The following ST6GALNAC3 variants were observed in gnomAD, a reference collection of about 807,000 sequenced individuals.
The protein encoded by ST6GALNAC3 is ST6 N-acetylgalactosaminide alpha-2,6-sialyltransferase 3.
In ST6GALNAC3, 25 loss-of-function variants were observed where a neutral mutation model predicts 32.7. The observed-to-expected ratio is 0.76, with a 90% CI of 0.56 to 1.07. The LOEUF (loss-of-function observed/expected upper bound fraction) is 1.07. Ranked by LOEUF, ST6GALNAC3 falls within the 50% of genes least tolerant of loss-of-function variation. The pLI is 0.00. For synonymous variants in ST6GALNAC3, 129 were observed against 133.1 expected (o/e 0.97, Z 0.21); for missense variants, 355 against 382.4 (o/e 0.93, Z 0.60).
chr1:76,398,965 T>C (rs1329084115), intron 2 of ST6GALNAC3, among the ~76,000 whole-genome samples: 6 of 152,172 alleles, frequency 3.9e-5, no homozygotes, highest in Non-Finnish European at 8.8e-5. Flanking sequence ...AATTGGCATT[T>C]TCTGGATTAT....
At chr1:76,227,308 T>C (rs1656131155) in intron 1 of ST6GALNAC3, among the ~76,000 whole-genome samples, 1 of 152,192 alleles carries the variant, frequency 6.6e-6, no homozygotes, top group Admixed American at 6.5e-5. Flanking sequence ...TCTGGTCCTT[T>C]GAGCAAGAAT....
intron 1 of ST6GALNAC3, among the ~76,000 whole-genome samples, chr1:76,274,473 C>T (rs1041077697): frequency 1.3e-5 from 2 of 152,110 alleles, no homozygotes; most frequent in African/African-American, 4.8e-5. Flanking sequence ...TCAACCTTAT[C>T]TCTGATCAGC....
At chr1:76,390,359 C>T (rs1019319141) in intron 2 of ST6GALNAC3, among the ~76,000 whole-genome samples, 15 of 152,118 alleles carry the variant, frequency 9.9e-5, no homozygotes, top group South Asian at 8.3e-4. Context: ...GCCAGTAAGA[C>T]GGGCTTTGAT....
chr1:76,356,279 T>C (rs1445525919), intron 2 of ST6GALNAC3, among the ~76,000 whole-genome samples: 1 of 152,180 alleles, frequency 6.6e-6, no homozygotes, highest in African/African-American at 2.4e-5. Context: ...TTGCCTGTTG[T>C]CTTCAAAGAA....
intron 2 of ST6GALNAC3, among the ~76,000 whole-genome samples, chr1:76,318,314 T>C (rs1259622885): frequency 7.2e-5 from 11 of 152,144 alleles, no homozygotes; most frequent in Non-Finnish European, 2.9e-5. Flanking sequence ...TTTAACTCTT[T>C]ACCTTTACCC....
intron 1 of ST6GALNAC3, among the ~76,000 whole-genome samples, chr1:76,263,431 A>G (rs757769394): frequency 6.6e-6 from 1 of 152,160 alleles, no homozygotes; most frequent in African/African-American, 2.4e-5. Context: ...CCATATCAAG[A>G]GCTTTCTGAG....
At chr1:76,369,946 A>C (rs959027275) in intron 2 of ST6GALNAC3, among the ~76,000 whole-genome samples, 1 of 152,228 alleles carries the variant, frequency 6.6e-6, no homozygotes, top group Non-Finnish European at 1.5e-5. Context: ...GAACACTAAA[A>C]GGATGTTCTT....
intron 1 of ST6GALNAC3, among the ~76,000 whole-genome samples, chr1:76,237,081 G>A (rs767044575): frequency 2.0e-5 from 3 of 152,128 alleles, no homozygotes; most frequent in African/African-American, 4.8e-5. Flanking sequence ...ACGGGGCCAC[G>A]GTGAGGAAGA....
chr1:76,633,861 T>C lies in ST6GALNAC3; in HGVS notation c.*5055T>C, dbSNP rs901184878. The stretch of plus-strand genomic sequence containing the variant: ...TGTTAGAAGTGAAGAATTTTGAAAC[T>C]ACATACACTGGCCTCTGAAAATGGT... On this transcript the variant is annotated 3_prime_UTR_variant, in exon 5 of 5. Coordinates refer to ENST00000328299, the MANE Select transcript of ST6GALNAC3 (RefSeq NM_152996.4). 2.0e-5 allele frequency: 3 copies of C among 152,224 alleles called. No individual in the cohort carries two copies. Among genetic ancestry groups the C allele is most frequent in the African/African-American group, 7.2e-5 (3 of 41,456 alleles). 9.4% of individuals were successfully genotyped at this position (152,224 alleles called of 1,614,324 possible). A position where few individuals can be genotyped will look rare whatever the true frequency, so the allele number is the denominator to read the frequency against.
Position 76,422,143 on chromosome 1 carries a change from A to G in ST6GALNAC3, c.623+9726A>G, listed in dbSNP as rs572321644. 5.9e-5 allele frequency among the ~76,000 whole-genome samples: 9 copies of G among 152,126 alleles called. No individual in the cohort carries two copies. In the South Asian group the frequency reaches 1.7e-3, roughly 28 times the overall value. On this transcript the variant is annotated intron_variant, in intron 3 of 4. Transcript: ENST00000328299. ...AAGGATCATTGTTTTGTTCACTAAT[A>G]TATCTCAAGCACCTAGAAGAATATA...
intron 3 of ST6GALNAC3, among the ~76,000 whole-genome samples, chr1:76,568,730 A>T (rs1665696028): frequency 6.6e-6 from 1 of 152,128 alleles, no homozygotes; most frequent in Admixed American, 6.6e-5. Flanking sequence ...CAGGTGCATT[A>T]ATGAGCTGTG....
intron 1 of ST6GALNAC3, among the ~76,000 whole-genome samples, chr1:76,151,313 A>G (rs1651025958): frequency 6.6e-6 from 1 of 152,214 alleles, no homozygotes; most frequent in Non-Finnish European, 1.5e-5. Flanking sequence ...GTCACTTTCA[A>G]AAGTCTGCAT....
chr1:76,154,964 A>C (rs959535733), intron 1 of ST6GALNAC3, among the ~76,000 whole-genome samples: 2 of 152,084 alleles, frequency 1.3e-5, no homozygotes, highest in Non-Finnish European at 2.9e-5. Context: ...TGATTACAAA[A>C]CACCTCTTGA....
At chr1:76,124,312 C>T (rs2631779) in intron 1 of ST6GALNAC3, among the ~76,000 whole-genome samples, 1 of 151,928 alleles carries the variant, frequency 6.6e-6, no homozygotes, top group East Asian at 1.9e-4. Context: ...CCGTGATGAA[C>T]AAATCATGCG....
chr1:76,176,094 A>G (rs1024225582), intron 1 of ST6GALNAC3, among the ~76,000 whole-genome samples: 11 of 152,296 alleles, frequency 7.2e-5, no homozygotes, highest in South Asian at 4.1e-4. Flanking sequence ...CTAATTAGCC[A>G]TCTCCCTAAG....
intron 3 of ST6GALNAC3, among the ~76,000 whole-genome samples, chr1:76,565,572 G>A (rs1171344157): frequency 1.3e-5 from 2 of 152,190 alleles, no homozygotes; most frequent in Admixed American, 6.5e-5. Context: ...AGACATGGAA[G>A]AAAAGGTGTC....
chr1:76,369,326 G>A (rs1236411162), intron 2 of ST6GALNAC3, among the ~76,000 whole-genome samples: 1 of 152,088 alleles, frequency 6.6e-6, no homozygotes, highest in Non-Finnish European at 1.5e-5. Context: ...CTGGTACCTT[G>A]ACTACTCTTT....
rs560611674 is a variant in ST6GALNAC3, at chr1:76,141,679, C to A, written c.18+66795C>A. ...CCCTATTTTAAGCCAAGATTTATAA[C>A]AAAGTTTTTGGGGAAATAACACATA... On this transcript the variant is annotated intron_variant, in intron 1 of 4. Transcript: ENST00000328299. Among the ~76,000 whole-genome samples the A allele has an allele frequency of 1.4e-3, 220 of 152,196 alleles. 2 individuals carry two copies. Among genetic ancestry groups the A allele is most frequent in the African/African-American group, 4.8e-3 (200 of 41,514 alleles).
At chr1:76,383,549 C>T (rs980871668) in intron 2 of ST6GALNAC3, among the ~76,000 whole-genome samples, 4 of 151,460 alleles carry the variant, frequency 2.6e-5, no homozygotes, top group Admixed American at 6.6e-5. Flanking sequence ...TGAGATTTAC[C>T]GGCATTAGTC....
Sources: allele counts gnomAD v4.1 joint callset (sites outside exome capture counted in the v4.1 genomes callset), GRCh38; gene constraint gnomAD v4.1.1; transcripts MANE v1.5; gene names NCBI Gene and HGNC (gene_info 2026-07-23, HGNC 2026-07-21).